CEBPZ: variants seen among roughly 807,000 people sequenced by gnomAD.
CEBPZ encodes the protein CCAAT enhancer binding protein zeta, also known as CCAAT/enhancer-binding protein zeta.
In CEBPZ, 78 loss-of-function variants were observed where a neutral mutation model predicts 104.5. The observed-to-expected ratio is 0.75, with a 90% CI of 0.62 to 0.90. The LOEUF is 0.90. Ranked by LOEUF, CEBPZ falls within the 40% of genes least tolerant of loss-of-function variation. The probability of loss-of-function intolerance (pLI) is 0.00; values close to 1 mark genes in which losing one functional copy is unlikely to be tolerated. For synonymous variants in CEBPZ, 470 were observed against 427.0 expected, an observed-to-expected ratio of 1.10 and a Z score of -1.24; for missense variants, 1,439 against 1,233.5, an observed-to-expected ratio of 1.17 and a Z score of -2.50.
At chr2:37,215,076 G>C in intron 8 of CEBPZ, 124 bp from the exon 9 acceptor site, 1 of 660,956 alleles carries the variant, frequency 1.5e-6, no homozygotes, top group Non-Finnish European at 2.7e-6. Flanking sequence ...TGGGAAGGTA[G>C]ACAGAAGGGA....
intron 2 of CEBPZ, among the ~76,000 whole-genome samples, chr2:37,224,517 ATT>A (rs1333835061): frequency 1.3e-5 from 2 of 152,324 alleles, no homozygotes; most frequent in East Asian, 3.9e-4. Context: ...TTTTGGTAAT[ATT>A]CTGGGATATT....
rs1418951880 is a variant in CEBPZ, at chr2:37,211,829, T to A, written c.2800+14A>T. On this transcript the variant is annotated intron_variant, in intron 12 of 15. Coordinates refer to ENST00000234170, the MANE Select transcript of CEBPZ (RefSeq NM_005760.3). ...GGAAGACACAGTTTATGTCTTATTT[T>A]AAAAAATGCTTACCTGGAACGCTCT... is the stretch of plus-strand genomic sequence containing the variant. 6.4e-7 allele frequency: 1 copy of A among 1,561,752 alleles called. No individual in the cohort carries two copies. The highest frequency in any genetic ancestry group is 8.6e-7 in the Non-Finnish European group (1 of 1,157,410).
At chr2:37,217,698 C>T (rs920972847) in intron 5 of CEBPZ, among the ~76,000 whole-genome samples, 8 of 150,088 alleles carry the variant, frequency 5.3e-5, no homozygotes, top group African/African-American at 1.5e-4. Flanking sequence ...GTCAGGAGAT[C>T]GAGACCATCC....
intron 3 of CEBPZ, 32 bp downstream of exon 3, chr2:37,223,138 C>A (rs1237419692): frequency 6.5e-7 from 1 of 1,528,962 alleles, no homozygotes; most frequent in Non-Finnish European, 9.0e-7. Context: ...TTTCAGCACC[C>A]ACTCAATTTA....
Position 37,228,879 on chromosome 2 carries a change from T to C in CEBPZ, c.314A>G (p.Asp105Gly), listed in dbSNP as rs745918675. 4 of 1,605,618 alleles carry C rather than the reference T, an allele frequency of 2.5e-6. No individual in the cohort carries two copies. Among genetic ancestry groups the C allele is most frequent in the Non-Finnish European group, 3.4e-6 (4 of 1,177,880 alleles). Reference sequence around the variant, plus strand: ...GGAATTTTCTTTTTCAGCTGGTTCATCTTCTTCAACTAAGGAAGCTTTTGT... The same window carrying C: ...GGAATTTTCTTTTTCAGCTGGTTCACCTTCTTCAACTAAGGAAGCTTTTGT... The part of the protein sequence containing the change: ...KYTKASLVEE[D>G]EPAEKENSSK... Residue 105 changes from aspartate to glycine, a missense_variant, in exon 2 of 16, where the codon GAT (aspartate) becomes GGT (glycine). Asp to Gly is a moderately conservative substitution (Grantham distance 94). Coordinates refer to ENST00000234170, the MANE Select transcript of CEBPZ (RefSeq NM_005760.3).
intron 13 of CEBPZ, chr2:37,209,701 G>T (rs1199221898): frequency 6.6e-6 from 1 of 152,096 alleles, no homozygotes; most frequent in Non-Finnish European, 1.5e-5. Context: ...ATATAACATT[G>T]GAAAAACTCT....
rs1007671348 is a variant in CEBPZ at position 37,203,294 on chromosome 2, G to C, written c.2885-286C>G. On this transcript the variant is annotated intron_variant, in intron 13 of 15. Transcript: ENST00000234170. ...TTTTACCCATAAGGGAAATAACATA[G>C]TATCAAGCAATAGTAAAATTATCAG... 6 of 214,318 alleles carry C rather than the reference G, an allele frequency of 2.8e-5. No individual in the cohort carries two copies. The Admixed American group carries it at 3.5e-4, about 12-fold the overall frequency. 13.3% of individuals were successfully genotyped at this position (214,318 alleles called of 1,614,324 possible).
In CEBPZ at chr2:37,228,326, G is replaced by A; in HGVS notation, c.867C>T (p.Phe289=). 6.2e-7 allele frequency: 1 copy of A among 1,614,138 alleles called. No homozygotes were observed. The highest frequency in any genetic ancestry group is 8.5e-7 in the Non-Finnish European group (1 of 1,180,022). ...KQQCLMALDT[F]KELLITDLLP... Reference sequence around the variant, plus strand: ...AAAGGTCTGTGATAAGCAACTCTTTGAAAGTATCCAAGGCCATAAGGCACT... The same window carrying A: ...AAAGGTCTGTGATAAGCAACTCTTTAAAAGTATCCAAGGCCATAAGGCACT... Residue 289 remains phenylalanine (F), a synonymous_variant, in exon 2 of 16, where the codon TTC becomes TTT. Coordinates refer to ENST00000234170, the MANE Select transcript of CEBPZ (RefSeq NM_005760.3).
In CEBPZ at chr2:37,223,358, T is replaced by C. The variant is rs201365951; in HGVS notation, c.1693A>G (p.Met565Val). 51 of 1,614,022 alleles carry C rather than the reference T, an allele frequency of 3.2e-5. No individual in the cohort carries two copies. In the African/African-American group the frequency reaches 4.0e-4, roughly 13 times the overall value. Residue 565 changes from methionine (M) to valine (V), a missense_variant, in exon 3 of 16, where the codon ATG becomes GTG. Met to Val is a conservative substitution (Grantham distance 21). Transcript: ENST00000234170. The part of the protein sequence containing the change: ...PGLMTCSKQA[M>V]FLNLVYKSLK... ...GATTTGTAGACAAGGTTAAGAAACATAGCTTGCTTGGAACACGTCATCAAC... is the reference window on the plus strand; with the variant it reads ...GATTTGTAGACAAGGTTAAGAAACACAGCTTGCTTGGAACACGTCATCAAC...
At chr2:37,202,183 C>A in intron 15 of CEBPZ, 32 of 202,802 alleles carry the variant, frequency 1.6e-4, no homozygotes, top group Middle Eastern at 1.7e-3. Flanking sequence ...CAGTAACAAT[C>A]AATATGTAAA....
Position 37,227,653 on chromosome 2 carries a change from CTTTA to C in CEBPZ, c.1536_1539del (p.Phe512LeufsTer6). The C allele has an allele frequency of 1.2e-6, 2 of 1,614,204 alleles. No individual in the cohort carries two copies. Among genetic ancestry groups the C allele is most frequent in the Non-Finnish European group, 1.7e-6 (2 of 1,180,032 alleles). On this transcript the variant is annotated frameshift_variant, in exon 2 of 16. Coordinates refer to ENST00000234170, the MANE Select transcript of CEBPZ (RefSeq NM_005760.3). LOFTEE classifies it high-confidence loss of function. ...GTATTAAAATTCACAATATGCAACACTTTAAACAGTGTGTCAATCTGCTCCCTTA... is the reference window on the plus strand; with the variant it reads ...GTATTAAAATTCACAATATGCAACACAACAGTGTGTCAATCTGCTCCCTTA...
chr2:37,229,406 GA>G (rs1276840786), intron 1 of CEBPZ, among the ~76,000 whole-genome samples: 12 of 151,884 alleles, frequency 7.9e-5, no homozygotes, highest in Admixed American at 7.9e-4. Context: ...ACAGTTCATA[GA>G]AAAAAAGGGT....
intron 13 of CEBPZ, among the ~76,000 whole-genome samples, chr2:37,207,053 A>G (rs912784626): frequency 6.6e-6 from 1 of 152,228 alleles, no homozygotes; most frequent in African/African-American, 2.4e-5. Context: ...TAAAAAAGAC[A>G]AAGAGGGACA....
At chr2:37,206,430 T>C (rs1677542033) in intron 13 of CEBPZ, among the ~76,000 whole-genome samples, 1 of 152,264 alleles carries the variant, frequency 6.6e-6, no homozygotes, top group Admixed American at 6.5e-5. Context: ...TGATCTTGGC[T>C]CACTGCGACC....
rs1677862442 is a variant in CEBPZ, at chr2:37,216,186, C to T, written c.2334G>A (p.Met778Ile). 6.2e-7 allele frequency: 1 copy of T among 1,613,198 alleles called. No homozygotes were observed. Among genetic ancestry groups the T allele is most frequent in the Non-Finnish European group, 8.5e-7 (1 of 1,179,578 alleles). ...TAATAAAATGTTTTCTTTTCGGCTG[C>T]ATCACAACACTATCTGTGTTTTCTG... ...KGKENTDSVV[M>I]QPKRKHFIKD... Residue 778 changes from methionine (M) to isoleucine (I), a missense_variant, in exon 8 of 16, where the codon ATG (methionine) becomes ATA (isoleucine). Coordinates refer to ENST00000234170, the MANE Select transcript of CEBPZ (RefSeq NM_005760.3).
chr2:37,216,945 T>A (rs1162906124), intron 6 of CEBPZ, 39 bp downstream of exon 6: 4 of 1,514,904 alleles, frequency 2.6e-6, no homozygotes, highest in African/African-American at 1.4e-5. Context: ...ATGATACTTT[T>A]TTTCTTATTT....
chr2:37,203,619 T>C (rs1406867246), intron 13 of CEBPZ: 1 of 152,228 alleles, frequency 6.6e-6, no homozygotes, highest in Non-Finnish European at 1.5e-5. Context: ...CTGTTTTAAG[T>C]GTATTAACGC....
chr2:37,208,710 G>T (rs1444448317), intron 13 of CEBPZ, among the ~76,000 whole-genome samples: 1 of 152,072 alleles, frequency 6.6e-6, no homozygotes, highest in East Asian at 1.9e-4. Flanking sequence ...AAAGTTGAAA[G>T]CATTCCCCCT....
At chr2:37,217,110 A>T in intron 5 of CEBPZ, 73 bp from the exon 6 acceptor site, 2 of 1,339,186 alleles carry the variant, frequency 1.5e-6, no homozygotes, top group Non-Finnish European at 2.1e-6. Context: ...TTATTTAAGA[A>T]AATCGGGCTG....
Sources: allele counts gnomAD v4.1 joint callset (sites outside exome capture counted in the v4.1 genomes callset), GRCh38; gene constraint gnomAD v4.1.1; transcripts MANE v1.5; gene names NCBI Gene and HGNC (gene_info 2026-07-23, HGNC 2026-07-21).